Variants in KLHL29 observed in about 807,000 individuals in gnomAD.
The protein encoded by KLHL29 is kelch-like protein 29.
In KLHL29, 21 loss-of-function variants were observed where a neutral mutation model predicts 80.4. The ratio of observed to expected loss-of-function variants is 0.26; its 90% CI spans 0.19 to 0.38. The LOEUF is 0.38. Among genes scored for constraint, KLHL29 ranks in the 10% least tolerant of loss-of-function variants. KLHL29 has a pLI of 1.00. For synonymous variants in KLHL29, 511 were observed against 526.8 expected (o/e 0.97, Z 0.41); for missense variants, 867 against 1,223.9 (o/e 0.71, Z 4.35).
Position 23,417,876 on chromosome 2 carries a change from T to G in KLHL29, c.-154+32096T>G, listed in dbSNP as rs546450062. ...CGACCCCCACCCTCTACTGAGGCTGTGTCCAGTGTGGTCAGAGAGACCATC... is the reference window on the plus strand; with the variant it reads ...CGACCCCCACCCTCTACTGAGGCTGGGTCCAGTGTGGTCAGAGAGACCATC... On this transcript the variant is annotated intron_variant, in intron 1 of 13. Transcript: ENST00000486442. Among the ~76,000 whole-genome samples the G allele has an allele frequency of 5.3e-5, 8 of 152,256 alleles. No individual in the cohort carries two copies. The South Asian group carries it at 1.7e-3, about 32-fold the overall frequency.
At chr2:23,537,870 A>G (rs988386478) in intron 2 of KLHL29, among the ~76,000 whole-genome samples, 3 of 152,154 alleles carry the variant, frequency 2.0e-5, no homozygotes, top group African/African-American at 7.2e-5. Flanking sequence ...AGGCTTTGGA[A>G]TGTGTCCAAA....
chr2:23,502,806 C>T (rs1665491845), intron 2 of KLHL29, among the ~76,000 whole-genome samples: 1 of 152,152 alleles, frequency 6.6e-6, no homozygotes, highest in African/African-American at 2.4e-5. Flanking sequence ...ATCTGTCTCT[C>T]CAAGCACCAC....
intron 1 of KLHL29, among the ~76,000 whole-genome samples, chr2:23,443,588 G>T (rs527527990): frequency 2.0e-5 from 3 of 152,252 alleles, no homozygotes; most frequent in South Asian, 2.1e-4. Flanking sequence ...TTTCCTTGCA[G>T]TGCTGTCTAA....
intron 2 of KLHL29, among the ~76,000 whole-genome samples, chr2:23,557,820 T>G (rs1053216223): frequency 4.6e-5 from 7 of 152,136 alleles, no homozygotes; most frequent in African/African-American, 1.4e-4. Context: ...TGTGTTGTTT[T>G]GTAGGAAGGT....
rs550576439 is a variant in KLHL29 at position 23,385,448 on chromosome 2, A to AGCCGCCGCCGCCGCC, written c.-479_-465dup. On this transcript the variant is annotated 5_prime_UTR_variant, in exon 1 of 14. Coordinates refer to ENST00000486442, the MANE Select transcript of KLHL29 (RefSeq NM_052920.2). Reference sequence around the variant, plus strand: ...GAGAGGGCGGGGGCGATGCTGCCGGAGCCGCCGCCGCCGCCGCCGCCTCGA... The same window carrying AGCCGCCGCCGCCGCC: ...GAGAGGGCGGGGGCGATGCTGCCGGAGCCGCCGCCGCCGCCGCCGCCGCCGCCGCCGCCGCCTCGA... 2 of 161,222 alleles carry AGCCGCCGCCGCCGCC rather than the reference A, an allele frequency of 1.2e-5. No homozygotes were observed. Among genetic ancestry groups the AGCCGCCGCCGCCGCC allele is most frequent in the Non-Finnish European group, 2.8e-5 (2 of 71,306 alleles). 10.0% of individuals were successfully genotyped at this position (161,222 alleles called of 1,614,324 possible).
At chr2:23,539,428 CCTCCTT>C (rs1666768465) in intron 2 of KLHL29, among the ~76,000 whole-genome samples, 1 of 84,294 alleles carries the variant, frequency 1.2e-5, no homozygotes, top group African/African-American at 6.5e-5. Context: ...CCTTATCCTG[CCTCCTT>C]TTTTTTTTTT....
intron 2 of KLHL29, among the ~76,000 whole-genome samples, chr2:23,499,830 C>T (rs963691260): frequency 2.0e-5 from 3 of 152,242 alleles, no homozygotes; most frequent in Admixed American, 6.5e-5. Flanking sequence ...CTGCTTAGGA[C>T]GCTTCAACCT....
At chr2:23,391,113 C>G (rs1192249904) in intron 1 of KLHL29, among the ~76,000 whole-genome samples, 1 of 152,240 alleles carries the variant, frequency 6.6e-6, no homozygotes, top group East Asian at 1.9e-4. Context: ...ATACATTCAA[C>G]TACCTTAGAT....
At chr2:23,545,724 C>T (rs780386561) in intron 2 of KLHL29, among the ~76,000 whole-genome samples, 5 of 152,198 alleles carry the variant, frequency 3.3e-5, no homozygotes, top group African/African-American at 4.8e-5. Flanking sequence ...TCCTTTGTAG[C>T]CAGGGAGTGG....
intron 5 of KLHL29, among the ~76,000 whole-genome samples, chr2:23,673,009 C>T (rs1020342871): frequency 2.6e-5 from 4 of 152,172 alleles, no homozygotes; most frequent in Admixed American, 1.3e-4. Context: ...CTCTCAGCCT[C>T]CCTCATGAAA....
At chr2:23,649,973 C>T (rs1446129571) in intron 5 of KLHL29, among the ~76,000 whole-genome samples, 1 of 152,226 alleles carries the variant, frequency 6.6e-6, no homozygotes, top group Non-Finnish European at 1.5e-5. Context: ...CAAGTTCTTA[C>T]TGAGCCATCA....
chr2:23,395,059 C>A (rs2103384820), intron 1 of KLHL29, among the ~76,000 whole-genome samples: 1 of 152,280 alleles, frequency 6.6e-6, no homozygotes, highest in African/African-American at 2.4e-5. Flanking sequence ...TGTCTTTTAG[C>A]CTTCCTTGGT....
chr2:23,566,757 T>C (rs1409611342), intron 3 of KLHL29, among the ~76,000 whole-genome samples: 1 of 152,226 alleles, frequency 6.6e-6, no homozygotes, highest in African/African-American at 2.4e-5. Flanking sequence ...CATAGAATCC[T>C]CCTCATGGGG....
chr2:23,694,469 C>T (rs1671819726), intron 8 of KLHL29, among the ~76,000 whole-genome samples: 1 of 152,164 alleles, frequency 6.6e-6, no homozygotes, highest in African/African-American at 2.4e-5. Flanking sequence ...CCAGCCTGAG[C>T]GGTCTCTCTA....
At chr2:23,690,885 C>T (rs183674051) in intron 6 of KLHL29, 4 of 152,374 alleles carry the variant, frequency 2.6e-5, no homozygotes, top group African/African-American at 4.8e-5. Context: ...CCTGCTCCCC[C>T]CAGTTCCCCA....
intron 2 of KLHL29, among the ~76,000 whole-genome samples, chr2:23,486,003 G>C (rs1664923896): frequency 6.6e-6 from 1 of 152,178 alleles, no homozygotes; most frequent in Non-Finnish European, 1.5e-5. Context: ...CTTCAAGGAA[G>C]GTGTCGGCAT....
chr2:23,473,146 A>AC (rs1664543685), intron 1 of KLHL29, among the ~76,000 whole-genome samples: 3 of 152,126 alleles, frequency 2.0e-5, no homozygotes, highest in Non-Finnish European at 4.4e-5. Flanking sequence ...GGTGAGGGAC[A>AC]CCCTGCTCAT....
chr2:23,527,067 G>C (rs962723672), intron 2 of KLHL29, among the ~76,000 whole-genome samples: 1 of 152,186 alleles, frequency 6.6e-6, no homozygotes, highest in East Asian at 1.9e-4. Context: ...AGGATGGGGA[G>C]TGGGGATGGA....
chr2:23,628,855 C>A (rs1466350819), intron 3 of KLHL29, among the ~76,000 whole-genome samples: 1 of 151,820 alleles, frequency 6.6e-6, no homozygotes, highest in East Asian at 1.9e-4. Flanking sequence ...GTGTGATGTG[C>A]GTCTGCGAGT....
Sources: gnomAD v4.1 joint callset for allele counts (sites outside exome capture counted in the v4.1 genomes callset) on GRCh38, gnomAD v4.1.1 for gene constraint, MANE v1.5 for transcripts, NCBI Gene and HGNC (gene_info 2026-07-23, HGNC 2026-07-21) for gene names.